FOXN4: variants seen among roughly 807,000 people sequenced by gnomAD.
FOXN4 encodes the protein forkhead box protein N4.
A neutral mutation model predicts 45.0 loss-of-function variants in FOXN4; 12 were observed. That is an observed-to-expected ratio of 0.27 (90% CI 0.17 to 0.43). The LOEUF (loss-of-function observed/expected upper bound fraction) is 0.43. Ranked by LOEUF, FOXN4 falls within the 20% of genes least tolerant of loss-of-function variation. FOXN4 has a pLI of 1.00. For synonymous variants in FOXN4, 297 were observed against 295.0 expected (o/e 1.01, Z -0.07); for missense variants, 560 against 694.9 (o/e 0.81, Z 2.18).
Position 109,286,715 on chromosome 12 carries a change from C to T in FOXN4, c.626G>A (p.Ser209Asn). 1 of 1,608,324 alleles carries T rather than the reference C, an allele frequency of 6.2e-7. No individual in the cohort carries two copies. Among genetic ancestry groups the T allele is most frequent in the Non-Finnish European group, 8.5e-7 (1 of 1,179,674 alleles). Residue 209 changes from serine to asparagine, a missense_variant, in exon 7 of 10, where the codon AGC becomes AAC. Around this residue, in one of 5 missense-constraint regions of FOXN4, gnomAD observed 39 missense variants for 81.7 expected, o/e 0.48. Coordinates refer to ENST00000299162, the MANE Select transcript of FOXN4 (RefSeq NM_213596.3). The stretch of plus-strand genomic sequence containing the variant: ...GCTCACAGGCAGGCTGCCTGTCTTG[C>T]TGTTCTTCAGGGCCATGGCGATCAG... ...SCLIAMALKN[S>N]KTGSLPVSEI...
At chr12:109,284,545 TTG>T (rs1181974872) in intron 8 of FOXN4, among the ~76,000 whole-genome samples, 3 of 141,112 alleles carry the variant, frequency 2.1e-5, no homozygotes, top group African/African-American at 5.3e-5. Flanking sequence ...CCTCTTCCAC[TTG>T]TGTGTGCGCA....
chr12:109,307,164 A>T (rs1430727605), intron 2 of FOXN4, among the ~76,000 whole-genome samples: 2 of 152,220 alleles, frequency 1.3e-5, no homozygotes, highest in Admixed American at 6.5e-5. Flanking sequence ...GCCCTCAGGA[A>T]GCAGCCTCCC....
intron 3 of FOXN4, among the ~76,000 whole-genome samples, chr12:109,289,204 T>C (rs983005257): frequency 5.9e-5 from 9 of 152,252 alleles, no homozygotes; most frequent in African/African-American, 1.9e-4. Context: ...ATCACACAGC[T>C]GTTCCCTGGG....
chr12:109,299,923 G>A (rs1410478640), intron 2 of FOXN4, among the ~76,000 whole-genome samples: 1 of 152,206 alleles, frequency 6.6e-6, no homozygotes, highest in African/African-American at 2.4e-5. Context: ...GCAGTGGAGT[G>A]GTCACCCAGG....
intron 2 of FOXN4, among the ~76,000 whole-genome samples, chr12:109,304,162 G>C (rs1389587114): frequency 6.9e-6 from 1 of 145,360 alleles, no homozygotes; most frequent in African/African-American, 2.6e-5. Context: ...CTGCACTCCA[G>C]CCTGGACGAT....
chr12:109,285,578 A>C, intron 7 of FOXN4, 67 bp from the exon 8 acceptor site: 2 of 1,560,186 alleles, frequency 1.3e-6, no homozygotes, highest in Non-Finnish European at 1.8e-6. Flanking sequence ...GGGATCTCCT[A>C]CTCAGGCCTA....
At chr12:109,296,651 G>A (rs1278888192) in intron 2 of FOXN4, among the ~76,000 whole-genome samples, 7 of 152,182 alleles carry the variant, frequency 4.6e-5, no homozygotes, top group African/African-American at 9.7e-5. Context: ...CTGGGTGCAG[G>A]CAGCCCCCAG....
intron 7 of FOXN4, among the ~76,000 whole-genome samples, chr12:109,286,139 G>A (rs917799103): frequency 3.3e-5 from 5 of 152,148 alleles, no homozygotes; most frequent in Admixed American, 6.5e-5. Context: ...GTCCAATCCA[G>A]GGACCCCACA....
chr12:109,278,024 T>A lies in FOXN4; in HGVS notation c.*1647A>T, dbSNP rs1446814890. ...AGAAGACAGTTGCTCAATTCTACAC[T>A]TACAGTCTTGATGTTGCCCAAACAC... On this transcript the variant is annotated 3_prime_UTR_variant, in exon 10 of 10. Transcript: ENST00000299162. The A allele has an allele frequency of 6.6e-6, 1 of 152,230 alleles. No individual in the cohort carries two copies. Among genetic ancestry groups the A allele is most frequent in the Non-Finnish European group, 1.5e-5 (1 of 68,046 alleles). 9.4% of individuals were successfully genotyped at this position (152,230 alleles called of 1,614,324 possible).
At chr12:109,295,721 G>A (rs1268939020) in intron 2 of FOXN4, among the ~76,000 whole-genome samples, 1 of 152,258 alleles carries the variant, frequency 6.6e-6, no homozygotes, top group Non-Finnish European at 1.5e-5. Context: ...AGGAGGCGGA[G>A]GTTGCAGTGA....
rs183362857 is a variant in FOXN4, at chr12:109,306,680, G to A, written c.86+1556C>T. Among the ~76,000 whole-genome samples, 47 of 152,332 alleles carry A rather than the reference G, an allele frequency of 3.1e-4. 1 individual carries two copies. The East Asian group carries it at 8.1e-3, about 26-fold the overall frequency. ...TCACAGGTGAATCTGCTCATAATTG[G>A]TGAATGGCAGAGCCAAAAATGATTA... On this transcript the variant is annotated intron_variant, in intron 2 of 9. Transcript: ENST00000299162.
rs1230884082 is a variant in FOXN4, at chr12:109,291,266, G to A, written c.87-980C>T. The stretch of plus-strand genomic sequence containing the variant: ...AGTCACACTTGCCACGCGACTCCGA[G>A]AGCATCGGGTCTTACACCACCATCC... On this transcript the variant is annotated intron_variant, in intron 2 of 9. Transcript: ENST00000299162. The surrounding 1 kb of genome is among the most constrained non-coding windows in gnomAD (Gnocchi z 6.6). Among the ~76,000 whole-genome samples, 1 of 152,046 alleles carries A rather than the reference G, an allele frequency of 6.6e-6. No individual in the cohort carries two copies. Among genetic ancestry groups the A allele is most frequent in the Admixed American group, 6.6e-5 (1 of 15,262 alleles).
chr12:109,299,906 T>C (rs2047854349), intron 2 of FOXN4, among the ~76,000 whole-genome samples: 1 of 152,210 alleles, frequency 6.6e-6, no homozygotes, highest in South Asian at 2.1e-4. Flanking sequence ...GCTCTCTCTG[T>C]GGCACTGCAG....
At chr12:109,281,331 T>A (rs2047649621) in intron 9 of FOXN4, 76 bp downstream of exon 9, 1 of 1,548,698 alleles carries the variant, frequency 6.5e-7, no homozygotes, top group African/African-American at 1.4e-5. Context: ...AGTACAGTCC[T>A]CTCCCTCACT....
intron 2 of FOXN4, among the ~76,000 whole-genome samples, chr12:109,302,144 T>C (rs1032300844): frequency 6.6e-6 from 1 of 152,168 alleles, no homozygotes; most frequent in Non-Finnish European, 1.5e-5. Context: ...GATGGATGTG[T>C]CTTACACCTC....
intron 8 of FOXN4, among the ~76,000 whole-genome samples, chr12:109,282,821 T>C (rs2047665940): frequency 1.3e-5 from 2 of 152,200 alleles, no homozygotes; most frequent in Admixed American, 1.3e-4. Context: ...CTATTTGGGT[T>C]GTACCCATTT....
chr12:109,286,850 C>T, intron 6 of FOXN4, 106 bp from the exon 7 acceptor site: 1 of 1,464,232 alleles, frequency 6.8e-7, no homozygotes, highest in Non-Finnish European at 9.0e-7. Context: ...AGGAAGCCTG[C>T]CCTGCTTGAC....
At chr12:109,307,909 G>T (rs1024094978) in intron 2 of FOXN4, among the ~76,000 whole-genome samples, 5 of 152,066 alleles carry the variant, frequency 3.3e-5, no homozygotes, top group African/African-American at 9.7e-5. Flanking sequence ...ATTTCCCACA[G>T]CCCCCATTAA....
At chr12:109,297,839 C>A (rs11831968) in intron 2 of FOXN4, among the ~76,000 whole-genome samples, 25,095 of 152,136 alleles carry the variant, frequency 0.16, 2,215 homozygotes, top group Middle Eastern at 0.21. Flanking sequence ...CAGCTATTTA[C>A]ATTTAAATTC....
Sources: allele counts gnomAD v4.1 joint callset (sites outside exome capture counted in the v4.1 genomes callset), GRCh38; gene constraint gnomAD v4.1.1; regional missense constraint gnomAD v4.1.1; non-coding constraint Gnocchi (gnomAD v3.1); transcripts MANE v1.5; gene names NCBI Gene and HGNC (gene_info 2026-07-23, HGNC 2026-07-21).